The following UBE2R2 variants were observed in gnomAD, a reference collection of about 807,000 sequenced individuals.
UBE2R2 encodes ubiquitin-conjugating enzyme E2 R2.
A neutral mutation model predicts 27.8 loss-of-function variants in UBE2R2; 1 was observed. The ratio of observed to expected loss-of-function variants is 0.04; its 90% confidence interval spans 0.01 to 0.17. UBE2R2 has a LOEUF of 0.17. Among genes scored for constraint, UBE2R2 ranks in the 10% least tolerant of loss-of-function variants. The probability of loss-of-function intolerance (pLI) is 1.00; values close to 1 mark genes in which losing one functional copy is unlikely to be tolerated. For synonymous variants in UBE2R2, 106 were observed against 113.3 expected (o/e 0.94, Z 0.41); for missense variants, 100 against 291.0 (o/e 0.34, Z 4.78).
chr9:33,850,545 A>G (rs1002626124), intron 1 of UBE2R2, among the ~76,000 whole-genome samples: 1 of 151,962 alleles, frequency 6.6e-6, no homozygotes, highest in African/African-American at 2.4e-5. Flanking sequence ...CTGTGTCCTT[A>G]TGGCTGATAA....
At chr9:33,845,422 A>AT (rs1164488686) in intron 1 of UBE2R2, among the ~76,000 whole-genome samples, 9 of 149,750 alleles carry the variant, frequency 6.0e-5, no homozygotes, top group Non-Finnish European at 1.0e-4. Context: ...CATTTTTTCT[A>AT]TTTTTTTAGT....
chr9:33,892,926 T>G (rs1822021254), intron 2 of UBE2R2, among the ~76,000 whole-genome samples: 1 of 152,064 alleles, frequency 6.6e-6, no homozygotes, highest in South Asian at 2.1e-4. Context: ...AAAAAAGAAT[T>G]TATTGAGATG....
chr9:33,851,979 G>A (rs886304066), intron 1 of UBE2R2, among the ~76,000 whole-genome samples: 2 of 152,102 alleles, frequency 1.3e-5, no homozygotes, highest in Non-Finnish European at 2.9e-5. Context: ...TATCTGATTG[G>A]TAGTAAGACT....
At chr9:33,904,008 C>T (rs1037184312) in intron 3 of UBE2R2, among the ~76,000 whole-genome samples, 7 of 152,036 alleles carry the variant, frequency 4.6e-5, no homozygotes, top group Non-Finnish European at 8.8e-5. Flanking sequence ...TTGGTGTTTT[C>T]GGGGGCTGTG....
At chr9:33,834,601 A>G (rs968744829) in intron 1 of UBE2R2, among the ~76,000 whole-genome samples, 1 of 151,912 alleles carries the variant, frequency 6.6e-6, no homozygotes, top group African/African-American at 2.4e-5. Context: ...TATAAAACCT[A>G]TTCATTATAT....
chr9:33,883,337 C>A (rs1443477543), intron 1 of UBE2R2, among the ~76,000 whole-genome samples: 2 of 152,128 alleles, frequency 1.3e-5, no homozygotes, highest in African/African-American at 4.8e-5. Flanking sequence ...AGAAAGACTG[C>A]CTCCATTTTG....
At chr9:33,853,809 C>G (rs1234162832) in intron 1 of UBE2R2, among the ~76,000 whole-genome samples, 1 of 128,480 alleles carries the variant, frequency 7.8e-6, no homozygotes, top group African/African-American at 3.0e-5. Flanking sequence ...GACAGGGTCT[C>G]TCTCTGTCAC....
chr9:33,865,711 G>A (rs996253000), intron 1 of UBE2R2, among the ~76,000 whole-genome samples: 4 of 151,856 alleles, frequency 2.6e-5, no homozygotes, highest in Admixed American at 1.3e-4. Context: ...TAATAGTTCC[G>A]GTTGAACCAT....
intron 4 of UBE2R2, among the ~76,000 whole-genome samples, chr9:33,914,518 G>C (rs1052342307): frequency 2.6e-5 from 4 of 152,116 alleles, no homozygotes; most frequent in African/African-American, 9.7e-5. Flanking sequence ...GGAGGGAAGA[G>C]GTGATGCTAT....
intron 4 of UBE2R2, among the ~76,000 whole-genome samples, chr9:33,914,249 A>C (rs540743930): frequency 1.8e-4 from 27 of 152,374 alleles, no homozygotes; most frequent in African/African-American, 6.0e-4. Flanking sequence ...ATAATGTAAT[A>C]GATTTCCTAG....
chr9:33,818,264 CTG>C (rs1369891031), intron 1 of UBE2R2, among the ~76,000 whole-genome samples: 2 of 151,692 alleles, frequency 1.3e-5, no homozygotes, highest in Admixed American at 6.6e-5. Flanking sequence ...GGTGGTCTAT[CTG>C]TGCTTTTTCG....
chr9:33,832,392 C>T lies in UBE2R2; in HGVS notation c.177+14458C>T, dbSNP rs533834322. 5.9e-5 allele frequency among the ~76,000 whole-genome samples: 9 copies of T among 151,454 alleles called. No individual in the cohort carries two copies. In the South Asian group the frequency reaches 1.9e-3, roughly 32 times the overall value. ...ATTTTTTCGGCCGGGCGCTGTGGCT[C>T]ATGCCTGTAATCCCAGCACTTTGGT... On this transcript the variant is annotated intron_variant, in intron 1 of 4. Coordinates refer to ENST00000263228, the MANE Select transcript of UBE2R2 (RefSeq NM_017811.4).
chr9:33,823,029 C>A (rs1011866715), intron 1 of UBE2R2, among the ~76,000 whole-genome samples: 3 of 151,690 alleles, frequency 2.0e-5, no homozygotes, highest in African/African-American at 7.3e-5. Context: ...CTCAGCCTCC[C>A]AAGTAGCTGG....
chr9:33,891,903 C>T lies in UBE2R2; in HGVS notation c.264+4936C>T, dbSNP rs546741386. Among the ~76,000 whole-genome samples the T allele has an allele frequency of 2.0e-5, 3 of 152,246 alleles. 1 individual carries two copies. Among genetic ancestry groups the T allele is most frequent in the South Asian group, 2.1e-4 (1 of 4,824 alleles). The stretch of plus-strand genomic sequence containing the variant: ...GGCAAGTTCACCAGGCGTAGTGGCA[C>T]ATGCCTGTAGTCCCAGCTACTTGGA... On this transcript the variant is annotated intron_variant, in intron 2 of 4. Transcript: ENST00000263228.
intron 1 of UBE2R2, among the ~76,000 whole-genome samples, chr9:33,877,823 G>GTCTGTCTGTCTGTCTGTCTCTCTTTCTC: frequency 3.8e-5 from 5 of 131,102 alleles, no homozygotes; most frequent in African/African-American, 1.7e-4. Flanking sequence ...CTGTCTGTCT[G>GTCTGTCTGTCTGTCTGTCTCTCTTTCTC]TCTCTCTCTC....
intron 1 of UBE2R2, among the ~76,000 whole-genome samples, chr9:33,862,197 C>T (rs1821255533): frequency 6.6e-6 from 1 of 152,092 alleles, no homozygotes; most frequent in South Asian, 2.1e-4. Context: ...TATTGCTTAT[C>T]ATTTGGTATG....
chr9:33,855,647 T>C (rs1821084835), intron 1 of UBE2R2, among the ~76,000 whole-genome samples: 2 of 152,296 alleles, frequency 1.3e-5, no homozygotes, highest in South Asian at 2.1e-4. Context: ...CTGGACACAG[T>C]TGTACTTTGA....
chr9:33,913,687 G>A (rs1288321761), intron 4 of UBE2R2, among the ~76,000 whole-genome samples: 1 of 152,154 alleles, frequency 6.6e-6, no homozygotes, highest in African/African-American at 2.4e-5. Flanking sequence ...AAATCTAGTT[G>A]GCTTGAGACC....
upstream of UBE2R2, among the ~76,000 whole-genome samples, chr9:33,816,273 C>CG (rs1160976606): frequency 6.6e-6 from 1 of 152,096 alleles, no homozygotes; most frequent in Non-Finnish European, 1.5e-5. Flanking sequence ...TTCTGAACCA[C>CG]GGGGGGACCA....
Sources: allele counts gnomAD v4.1 joint callset (sites outside exome capture counted in the v4.1 genomes callset), GRCh38; gene constraint gnomAD v4.1.1; transcripts MANE v1.5; gene names NCBI Gene and HGNC (gene_info 2026-07-23, HGNC 2026-07-21).